The following BACH2 variants were observed in gnomAD, a reference collection of about 807,000 sequenced individuals.
BACH2 encodes the protein BACH transcriptional regulator 2, also known as transcription regulator protein BACH2.
In BACH2, 5 loss-of-function variants were observed where a neutral mutation model predicts 61.8. That is an observed-to-expected ratio of 0.08 (90% confidence interval 0.04 to 0.17). BACH2 has a LOEUF of 0.17. Ranked by LOEUF, BACH2 falls within the 10% of genes least tolerant of loss-of-function variation. BACH2 has a pLI of 1.00. For synonymous variants in BACH2, 446 were observed against 440.1 expected (o/e 1.01, Z -0.17); for missense variants, 824 against 1,091.1 (o/e 0.76, Z 3.45).
chr6:90,078,882 T>C (rs1243987722), intron 5 of BACH2, among the ~76,000 whole-genome samples: 5 of 152,170 alleles, frequency 3.3e-5, no homozygotes, highest in African/African-American at 1.2e-4. Context: ...TCTGCCACAG[T>C]TGGGGATGCC....
chr6:90,247,127 C>T (rs998783287), intron 3 of BACH2, among the ~76,000 whole-genome samples: 8 of 152,110 alleles, frequency 5.3e-5, no homozygotes, highest in Admixed American at 1.3e-4. Flanking sequence ...ACCACTATAA[C>T]GAGAACATGA....
intron 5 of BACH2, among the ~76,000 whole-genome samples, chr6:90,020,797 C>T (rs1778330195): frequency 6.6e-6 from 1 of 152,140 alleles, no homozygotes; most frequent in African/African-American, 2.4e-5. Context: ...GCCCCCCACT[C>T]CTCCATGCAG....
chr6:90,296,637 A>C lies in BACH2; in HGVS notation c.-603T>G, dbSNP rs1772405863. The C allele has an allele frequency of 6.6e-6, 1 of 151,574 alleles. No individual in the cohort carries two copies. Among genetic ancestry groups the C allele is most frequent in the South Asian group, 1.8e-4 (1 of 5,516 alleles). The allele number at this position is 151,574 out of a possible 1,614,324, so 9.4% of individuals were successfully genotyped here. On this transcript the variant is annotated 5_prime_UTR_variant, in exon 1 of 9. Transcript: ENST00000257749. ...ATGGCAGCTCGTTCCCAGCCCCCCG[A>C]GTGCGCCGGGAAGGGGGAGGGGAAG...
chr6:90,242,856 C>T (rs1260098496), intron 3 of BACH2, among the ~76,000 whole-genome samples: 1 of 150,628 alleles, frequency 6.6e-6, no homozygotes, highest in Non-Finnish European at 1.5e-5. Flanking sequence ...TGACTTTGGG[C>T]TGTTGACTTT....
intron 4 of BACH2, among the ~76,000 whole-genome samples, chr6:90,178,268 C>T (rs1344655318): frequency 1.3e-5 from 2 of 150,158 alleles, no homozygotes; most frequent in East Asian, 1.9e-4. Flanking sequence ...CCCTCACCAC[C>T]TCACTATTAC....
At chr6:89,972,479 C>G (rs778737702) in intron 6 of BACH2, among the ~76,000 whole-genome samples, 2 of 152,124 alleles carry the variant, frequency 1.3e-5, no homozygotes, top group African/African-American at 4.8e-5. Flanking sequence ...AAAGCCACAA[C>G]CTGGATACCC....
chr6:90,256,261 T>C (rs1374565173), intron 2 of BACH2, among the ~76,000 whole-genome samples: 3 of 152,312 alleles, frequency 2.0e-5, no homozygotes, highest in African/African-American at 7.2e-5. Context: ...CCAGCCTCCT[T>C]TGCAGCTAGT....
intron 3 of BACH2, among the ~76,000 whole-genome samples, chr6:90,210,613 G>C (rs1348163096): frequency 6.6e-6 from 1 of 152,190 alleles, no homozygotes; most frequent in Non-Finnish European, 1.5e-5. Context: ...AGATACCTGA[G>C]TTACCATGGT....
chr6:90,067,272 T>C (rs1395070191), intron 5 of BACH2, among the ~76,000 whole-genome samples: 4 of 152,104 alleles, frequency 2.6e-5, no homozygotes, highest in Non-Finnish European at 5.9e-5. Flanking sequence ...GAGCCCCTCT[T>C]GTGGAGTGTG....
chr6:90,170,070 A>T (rs1767760928), intron 4 of BACH2, among the ~76,000 whole-genome samples: 1 of 152,180 alleles, frequency 6.6e-6, no homozygotes, highest in South Asian at 2.1e-4. Context: ...AGGAATTATA[A>T]AACACTTTTT....
intron 1 of BACH2, among the ~76,000 whole-genome samples, chr6:90,295,582 G>C (rs1359454883): frequency 6.6e-6 from 1 of 152,122 alleles, no homozygotes; most frequent in Admixed American, 6.5e-5. Context: ...ACGCGGGGAC[G>C]GGGAGGGCAG....
intron 4 of BACH2, among the ~76,000 whole-genome samples, chr6:90,180,289 A>C (rs913858854): frequency 6.6e-6 from 1 of 152,220 alleles, no homozygotes; most frequent in African/African-American, 2.4e-5. Context: ...AATAAGTATA[A>C]AAGAAATATA....
chr6:90,191,431 A>T (rs1357407661), intron 4 of BACH2, among the ~76,000 whole-genome samples: 1 of 152,244 alleles, frequency 6.6e-6, no homozygotes, highest in African/African-American at 2.4e-5. Flanking sequence ...CAAATGGCTC[A>T]TTCTTTTAAG....
intron 3 of BACH2, among the ~76,000 whole-genome samples, chr6:90,244,083 G>A (rs1465538723): frequency 3.3e-5 from 5 of 151,968 alleles, no homozygotes; most frequent in Admixed American, 6.6e-5. Flanking sequence ...CACCACACCC[G>A]GCTAATTTTT....
At chr6:90,145,794 A>G (rs1403392938) in intron 4 of BACH2, among the ~76,000 whole-genome samples, 1 of 152,222 alleles carries the variant, frequency 6.6e-6, no homozygotes, top group Non-Finnish European at 1.5e-5. Context: ...ATCTTCCGAA[A>G]GTACATGATT....
intron 4 of BACH2, among the ~76,000 whole-genome samples, chr6:90,170,156 T>C (rs1388831796): frequency 2.6e-5 from 4 of 152,232 alleles, no homozygotes. Flanking sequence ...AATAATGCTG[T>C]AGTAGAATAT....
rs1772692468 is a variant in BACH2, at chr6:89,932,207, G to C, written c.*201C>G. ...CTGTCTTTCCTTGCCTGGGCAAGGGGTAGCACCATTGTGAAGGTAACTATC... is the reference window on the plus strand; with the variant it reads ...CTGTCTTTCCTTGCCTGGGCAAGGGCTAGCACCATTGTGAAGGTAACTATC... On this transcript the variant is annotated 3_prime_UTR_variant, in exon 9 of 9. Coordinates refer to ENST00000257749, the MANE Select transcript of BACH2 (RefSeq NM_021813.4). The C allele has an allele frequency of 1.4e-6, 1 of 704,170 alleles. No homozygotes were observed. The highest frequency in any genetic ancestry group is 1.8e-5 in the African/African-American group (1 of 56,598). The allele number at this position is 704,170 out of a possible 1,614,324, so 43.6% of individuals were successfully genotyped here.
At chr6:90,029,983 G>C (rs1347193542) in intron 5 of BACH2, among the ~76,000 whole-genome samples, 2 of 152,190 alleles carry the variant, frequency 1.3e-5, no homozygotes, top group African/African-American at 4.8e-5. Context: ...CAGAGATGCT[G>C]AGTAGAAGGT....
chr6:90,093,938 ATTTACTG>A (rs1248897633), intron 4 of BACH2, among the ~76,000 whole-genome samples: 1 of 152,188 alleles, frequency 6.6e-6, no homozygotes, highest in Non-Finnish European at 1.5e-5. Context: ...ATTTCTTCGT[ATTTACTG>A]TTAGAGAAGT....
Sources: gnomAD v4.1 joint callset for allele counts (sites outside exome capture counted in the v4.1 genomes callset) on GRCh38, gnomAD v4.1.1 for gene constraint, MANE v1.5 for transcripts, NCBI Gene and HGNC (gene_info 2026-07-23, HGNC 2026-07-21) for gene names.